The following NRXN3 variants were observed in gnomAD, a reference collection of about 807,000 sequenced individuals.
The protein encoded by NRXN3 is neurexin III.
A neutral mutation model predicts 137.6 loss-of-function variants in NRXN3; 32 were observed. The observed-to-expected ratio is 0.23, with a 90% CI of 0.18 to 0.31. The LOEUF (loss-of-function observed/expected upper bound fraction) is 0.31. Ranked by LOEUF, NRXN3 falls within the 10% of genes least tolerant of loss-of-function variation. The probability of loss-of-function intolerance (pLI) is 1.00; values close to 1 mark genes in which losing one functional copy is unlikely to be tolerated. For synonymous variants in NRXN3, 798 were observed against 784.5 expected (o/e 1.02, Z -0.29); for missense variants, 1,574 against 2,062.5 (o/e 0.76, Z 4.59).
chr14:79,235,270 G>A (rs1378371382), intron 15 of NRXN3, among the ~76,000 whole-genome samples: 1 of 152,116 alleles, frequency 6.6e-6, no homozygotes, highest in Non-Finnish European at 1.5e-5. Context: ...TGACAGTCAA[G>A]TATGATAAAA....
chr14:78,176,405 G>T (rs207474981), intron 1 of NRXN3, among the ~76,000 whole-genome samples: 1 of 144,852 alleles, frequency 6.9e-6, no homozygotes, highest in African/African-American at 2.6e-5. Context: ...TTTAACACTC[G>T]GTATCTCATT....
At chr14:78,201,817 C>T (rs1422993776) in intron 1 of NRXN3, among the ~76,000 whole-genome samples, 2 of 152,162 alleles carry the variant, frequency 1.3e-5, no homozygotes, top group Non-Finnish European at 2.9e-5. Context: ...GTGATGCTGT[C>T]AGCCGCTCCG....
intron 4 of NRXN3, among the ~76,000 whole-genome samples, chr14:78,430,490 C>T (rs540709650): frequency 2.6e-5 from 4 of 152,294 alleles, no homozygotes; most frequent in African/African-American, 9.6e-5. Context: ...AGCAGACTTG[C>T]AGGGACAAAG....
intron 10 of NRXN3, among the ~76,000 whole-genome samples, chr14:78,848,920 G>A (rs550423981): frequency 4.6e-5 from 7 of 152,194 alleles, no homozygotes; most frequent in South Asian, 2.1e-4. Context: ...GAAAGTGAAC[G>A]TTTGAAATAT....
At chr14:79,427,239 G>C (rs972216559) in intron 15 of NRXN3, among the ~76,000 whole-genome samples, 1 of 152,110 alleles carries the variant, frequency 6.6e-6, no homozygotes, top group Non-Finnish European at 1.5e-5. Flanking sequence ...AGTCTGTGAG[G>C]GTCTCTAGTG....
At chr14:79,607,842 C>T (rs2098042027) in intron 16 of NRXN3, among the ~76,000 whole-genome samples, 1 of 151,964 alleles carries the variant, frequency 6.6e-6, no homozygotes, top group African/African-American at 2.4e-5. Flanking sequence ...CCATGCCCGG[C>T]TAATTTTTTG....
At chr14:78,178,975 C>T (rs1469197571) in intron 1 of NRXN3, among the ~76,000 whole-genome samples, 1 of 152,170 alleles carries the variant, frequency 6.6e-6, no homozygotes, top group African/African-American at 2.4e-5. Flanking sequence ...TTATCAGCCA[C>T]CTCTAGGCCT....
chr14:78,843,625 G>A (rs551783487), intron 10 of NRXN3, among the ~76,000 whole-genome samples: 1 of 152,252 alleles, frequency 6.6e-6, no homozygotes, highest in East Asian at 1.9e-4. Context: ...TTCAATGAGA[G>A]CAGCAAAGGA....
intron 4 of NRXN3, among the ~76,000 whole-genome samples, chr14:78,411,928 T>A (rs2092853955): frequency 6.6e-6 from 1 of 152,262 alleles, no homozygotes; most frequent in South Asian, 2.1e-4. Context: ...TATGTTTTCA[T>A]TTCCAAATAG....
At position 79,864,080 on chromosome 14, in the gene NRXN3, G is replaced by C. The variant is rs890502600; in HGVS notation, c.*2116G>C. ...GATTTTAGATAACCTAAACGGCCCA[G>C]CCTATACGAAGTTGATTATATCTCG... On this transcript the variant is annotated 3_prime_UTR_variant, in exon 21 of 21. Transcript: ENST00000335750. 3 of 152,606 alleles carry C rather than the reference G, an allele frequency of 2.0e-5. No homozygotes were observed. Among genetic ancestry groups the C allele is most frequent in the Admixed American group, 2.0e-4 (3 of 15,280 alleles). 9.5% of individuals were successfully genotyped at this position (152,606 alleles called of 1,614,324 possible). A position where few individuals can be genotyped will look rare whatever the true frequency, so the allele number is the denominator to read the frequency against.
At chr14:78,255,937 C>T (rs1436480495) in intron 2 of NRXN3, among the ~76,000 whole-genome samples, 1 of 152,164 alleles carries the variant, frequency 6.6e-6, no homozygotes, top group Non-Finnish European at 1.5e-5. Flanking sequence ...TCCAATCGGA[C>T]CACACTGGCC....
chr14:78,483,773 C>A (rs1567719545), intron 4 of NRXN3, among the ~76,000 whole-genome samples: 2 of 152,134 alleles, frequency 1.3e-5, no homozygotes, highest in East Asian at 3.9e-4. Flanking sequence ...TAAAAAGACC[C>A]TAGAGTTCAT....
chr14:78,923,537 A>G (rs2099276811), intron 10 of NRXN3, among the ~76,000 whole-genome samples: 1 of 152,234 alleles, frequency 6.6e-6, no homozygotes, highest in African/African-American at 2.4e-5. Context: ...TATTTTGTAT[A>G]TTAGTGAACA....
chr14:79,517,094 C>CT (rs1433620803), intron 16 of NRXN3, among the ~76,000 whole-genome samples: 9 of 130,914 alleles, frequency 6.9e-5, no homozygotes, highest in Non-Finnish European at 1.4e-4. Flanking sequence ...AATGTACAGC[C>CT]CCCCCCCCCT....
intron 15 of NRXN3, among the ~76,000 whole-genome samples, chr14:79,153,078 T>C (rs1383316161): frequency 6.6e-6 from 1 of 151,962 alleles, no homozygotes; most frequent in Non-Finnish European, 1.5e-5. Context: ...TGTTTCCTGA[T>C]TTGGGAAGGA....
At chr14:78,596,391 G>A (rs1444706706) in intron 4 of NRXN3, among the ~76,000 whole-genome samples, 1 of 152,172 alleles carries the variant, frequency 6.6e-6, no homozygotes, top group Non-Finnish European at 1.5e-5. Flanking sequence ...CATCAGCCTA[G>A]TGGGAGGTGC....
chr14:78,185,215 G>A (rs560215167), intron 1 of NRXN3, among the ~76,000 whole-genome samples: 1 of 152,302 alleles, frequency 6.6e-6, no homozygotes, highest in South Asian at 2.1e-4. Context: ...ACTGCAGGAG[G>A]CCTCGATCTA....
chr14:79,860,981 TTGAG>T (rs1333443888), intron 20 of NRXN3: 20 of 1,040,122 alleles, frequency 1.9e-5, no homozygotes, highest in South Asian at 4.7e-5. Context: ...ATGACGTTGG[TTGAG>T]TGAGAGTTGT....
intron 4 of NRXN3, among the ~76,000 whole-genome samples, chr14:78,421,802 G>C (rs1449092037): frequency 1.3e-5 from 2 of 152,084 alleles, no homozygotes; most frequent in Admixed American, 1.3e-4. Flanking sequence ...AGGATTACAG[G>C]CACGAGCCAC....
Sources: gnomAD v4.1 joint callset for allele counts (sites outside exome capture counted in the v4.1 genomes callset) on GRCh38, gnomAD v4.1.1 for gene constraint, MANE v1.5 for transcripts, NCBI Gene and HGNC (gene_info 2026-07-23, HGNC 2026-07-21) for gene names.